The following KCNK18 variants were observed in gnomAD, a reference collection of about 807,000 sequenced individuals.
KCNK18 encodes potassium two pore domain channel subfamily K member 18.
KCNK18 carries 8 observed loss-of-function variants against 11.8 expected under a neutral mutation model. The ratio of observed to expected loss-of-function variants is 0.68; its 90% CI spans 0.40 to 1.22. The LOEUF (loss-of-function observed/expected upper bound fraction) is 1.22. Among genes scored for constraint, KCNK18 ranks in the 50% most tolerant of loss-of-function variants. KCNK18 has a pLI of 0.01. For missense variants in KCNK18, 442 were observed against 465.4 expected (o/e 0.95, Z 0.46); for synonymous variants, 208 against 185.8 (o/e 1.12, Z -0.97).
intron 2 of KCNK18, among the ~76,000 whole-genome samples, chr10:117,208,003 C>A (rs1412458187): frequency 6.6e-6 from 1 of 152,206 alleles, no homozygotes; most frequent in African/African-American, 2.4e-5. Context: ...TCTGCTCCTG[C>A]CCCTCTGTAG....
rs553050625 is a variant in KCNK18, at chr10:117,209,802, C to G, written c.658C>G (p.Arg220Gly). The part of the protein sequence containing the change: ...PGPKLGTCPS[R>G]PSCSMELFER... The stretch of plus-strand genomic sequence containing the variant: ...CCCCAAACTTGGCACATGTCCTTCA[C>G]GCCCAAGCTGCAGCATGGAGCTGTT... Residue 220 changes from arginine to glycine, a missense_variant, in exon 3 of 3, where the codon CGC (arginine) becomes GGC (glycine). Coordinates refer to ENST00000334549, the MANE Select transcript of KCNK18 (RefSeq NM_181840.1). 3.7e-6 allele frequency: 6 copies of G among 1,614,034 alleles called. No homozygotes were observed. The highest frequency in any genetic ancestry group is 5.1e-6 in the Non-Finnish European group (6 of 1,180,042).
chr10:117,198,565 TTATTG>T (rs1415978907), intron 1 of KCNK18, among the ~76,000 whole-genome samples: 4 of 152,214 alleles, frequency 2.6e-5, no homozygotes, highest in Admixed American at 2.0e-4. Flanking sequence ...AGGAAGCTTG[TTATTG>T]TATTCAACAG....
chr10:117,204,673 G>A (rs1231202111), intron 2 of KCNK18, among the ~76,000 whole-genome samples: 1 of 152,216 alleles, frequency 6.6e-6, no homozygotes, highest in Non-Finnish European at 1.5e-5. Flanking sequence ...GTGGGACCCA[G>A]CAATCTGTAG....
chr10:117,200,723 G>T (rs972120878), intron 1 of KCNK18, among the ~76,000 whole-genome samples: 14 of 151,730 alleles, frequency 9.2e-5, no homozygotes, highest in African/African-American at 3.1e-4. Flanking sequence ...GAAGCAAGAG[G>T]ATTGCTTGAA....
intron 2 of KCNK18, among the ~76,000 whole-genome samples, chr10:117,206,776 G>A (rs1022611265): frequency 1.3e-5 from 2 of 152,120 alleles, no homozygotes; most frequent in Admixed American, 6.5e-5. Context: ...CCAGTGCCCC[G>A]AGCCCTGAGC....
At chr10:117,209,111 C>T (rs1308640992) in intron 2 of KCNK18, among the ~76,000 whole-genome samples, 1 of 152,168 alleles carries the variant, frequency 6.6e-6, no homozygotes, top group Non-Finnish European at 1.5e-5. Context: ...TACAAAGCCA[C>T]CCATCCTCTC....
chr10:117,208,128 G>A (rs890607340), intron 2 of KCNK18, among the ~76,000 whole-genome samples: 2 of 152,126 alleles, frequency 1.3e-5, no homozygotes, highest in Non-Finnish European at 2.9e-5. Flanking sequence ...ATGCTCCTGA[G>A]GGTGACAGCA....
chr10:117,201,256 C>T lies in KCNK18; in HGVS notation c.321C>T (p.Leu107=). The T allele has an allele frequency of 6.2e-7, 1 of 1,614,028 alleles. No individual in the cohort carries two copies. Among genetic ancestry groups the T allele is most frequent in the South Asian group, 1.1e-5 (1 of 91,076 alleles). The change falls in exon 2 of 3, where the codon CTC becomes CTT. Residue 107 remains leucine, a synonymous_variant. Transcript: ENST00000334549. ...CACACTGGTCCTTCCTGAGCTCGCT[C>T]TTTTTCTGCTGCACGGTGTTCAGCA... ...RTTHWSFLSS[L]FFCCTVFSTV...
chr10:117,200,192 C>T (rs1316628902), intron 1 of KCNK18, among the ~76,000 whole-genome samples: 2 of 152,180 alleles, frequency 1.3e-5, no homozygotes, highest in African/African-American at 4.8e-5. Context: ...ATTCTCCTGC[C>T]TCAGCCTCCT....
At chr10:117,202,231 G>T (rs363308) in intron 2 of KCNK18, among the ~76,000 whole-genome samples, 31,110 of 152,206 alleles carry the variant, frequency 0.2, 4,299 homozygotes, top group African/African-American at 0.36. Flanking sequence ...TGGAGCTGTG[G>T]AATCTCCAGC....
chr10:117,197,783 C>T, intron 1 of KCNK18, 72 bp downstream of exon 1: 3 of 1,377,470 alleles, frequency 2.2e-6, no homozygotes, highest in Non-Finnish European at 3.1e-6. Flanking sequence ...CAGAGGGCTG[C>T]CTTCTAGGAG....
chr10:117,202,298 C>T (rs978627032), intron 2 of KCNK18, among the ~76,000 whole-genome samples: 10 of 152,222 alleles, frequency 6.6e-5, no homozygotes, highest in South Asian at 2.1e-4. Flanking sequence ...TCTAGACCTG[C>T]CTCTCAGGGT....
At position 117,210,109 on chromosome 10, in the gene KCNK18, C is replaced by A. The variant is rs773024059; in HGVS notation, c.965C>A (p.Thr322Asn). The A allele has an allele frequency of 2.5e-6, 4 of 1,614,200 alleles. No individual in the cohort carries two copies. Among genetic ancestry groups the A allele is most frequent in the Non-Finnish European group, 3.4e-6 (4 of 1,180,034 alleles). Residue 322 changes from threonine (T) to asparagine (N), a missense_variant, in exon 3 of 3, where the codon ACC (threonine) becomes AAC (asparagine). By Grantham distance (65) the Thr-to-Asn change is moderately conservative. Coordinates refer to ENST00000334549, the MANE Select transcript of KCNK18 (RefSeq NM_181840.1). Reference sequence around the variant, plus strand: ...TTCTATTTCTGCTTTGTCACACTCACCACCATTGGGTTTGGGGATACTGTT... The same window carrying A: ...TTCTATTTCTGCTTTGTCACACTCAACACCATTGGGTTTGGGGATACTGTT... ...NAFYFCFVTL[T>N]TIGFGDTVLE...
chr10:117,201,359 G>A, intron 2 of KCNK18, 72 bp downstream of exon 2: 1 of 1,546,208 alleles, frequency 6.5e-7, no homozygotes, highest in Non-Finnish European at 8.9e-7. Context: ...AAAGGACACT[G>A]GAATTGGGGT....
chr10:117,204,386 G>T (rs1855052494), intron 2 of KCNK18, among the ~76,000 whole-genome samples: 3 of 152,106 alleles, frequency 2.0e-5, no homozygotes, highest in Admixed American at 6.6e-5. Flanking sequence ...GGAGGCTCCT[G>T]TGCAATGTAG....
intron 2 of KCNK18, among the ~76,000 whole-genome samples, chr10:117,203,237 C>T (rs951326940): frequency 6.6e-6 from 1 of 152,118 alleles, no homozygotes; most frequent in Non-Finnish European, 1.5e-5. Flanking sequence ...ATAAGGACAG[C>T]AGCTACACCA....
chr10:117,201,292 G>C lies in KCNK18; in HGVS notation c.352+5G>C. On this transcript the variant is annotated splice_donor_5th_base_variant and intron_variant, in intron 2 of 2. Coordinates refer to ENST00000334549, the MANE Select transcript of KCNK18 (RefSeq NM_181840.1). ...GCACGGTGTTCAGCACCGTGGGTAA[G>C]TGCAAAGCCACAGTCCCCCTCACGG... The C allele has an allele frequency of 6.2e-7, 1 of 1,612,766 alleles. No homozygotes were observed. The highest frequency in any genetic ancestry group is 1.1e-5 in the South Asian group (1 of 91,042).
chr10:117,208,743 CTT>C (rs3981214), intron 2 of KCNK18, among the ~76,000 whole-genome samples: 5 of 143,220 alleles, frequency 3.5e-5, no homozygotes, highest in Non-Finnish European at 6.1e-5. Context: ...ACAAGGGTAG[CTT>C]TTTTTTTTTT....
intron 2 of KCNK18, among the ~76,000 whole-genome samples, chr10:117,205,699 C>T (rs1678037): frequency 0.73 from 110,731 of 152,044 alleles, 40,901 homozygotes; most frequent in Middle Eastern, 0.8. Context: ...CATTGTCCTG[C>T]GTCTATCTGA....
Sources: gnomAD v4.1 joint callset for allele counts (sites outside exome capture counted in the v4.1 genomes callset) on GRCh38, gnomAD v4.1.1 for gene constraint, MANE v1.5 for transcripts, NCBI Gene and HGNC (gene_info 2026-07-23, HGNC 2026-07-21) for gene names.